The following TBPL2 variants were observed in gnomAD, a reference collection of about 807,000 sequenced individuals.
TBPL2 encodes the protein TATA box-binding protein-like 2.
Under a neutral mutation model 38.2 loss-of-function variants are expected in TBPL2, and 40 were observed. That is an observed-to-expected ratio of 1.05 (90% CI 0.81 to 1.36). The LOEUF is 1.36. Among genes scored for constraint, TBPL2 ranks in the 40% most tolerant of loss-of-function variants. The pLI is 0.00. For synonymous variants in TBPL2, 169 were observed against 171.7 expected, an observed-to-expected ratio of 0.98 and a Z score of 0.12; for missense variants, 461 against 456.7, an observed-to-expected ratio of 1.01 and a Z score of -0.09.
intron 6 of TBPL2, among the ~76,000 whole-genome samples, chr14:55,417,376 A>G (rs1297381767): frequency 6.6e-6 from 1 of 151,082 alleles, no homozygotes; most frequent in East Asian, 1.9e-4. Context: ...AATTGGCTCC[A>G]TAGTCCTATT....
At chr14:55,416,302 A>G (rs1885668999) in intron 6 of TBPL2, among the ~76,000 whole-genome samples, 1 of 152,176 alleles carries the variant, frequency 6.6e-6, no homozygotes, top group African/African-American at 2.4e-5. Flanking sequence ...TAATTTTTTA[A>G]GAAATAAGGG....
chr14:55,427,238 AG>A (rs1885840019), intron 5 of TBPL2, among the ~76,000 whole-genome samples: 1 of 143,206 alleles, frequency 7.0e-6, no homozygotes, highest in Non-Finnish European at 1.5e-5. Context: ...TAGGGAGCTC[AG>A]ATTTTTAAAA....
chr14:55,422,677 C>T (rs1489865029), intron 6 of TBPL2, among the ~76,000 whole-genome samples: 1 of 152,110 alleles, frequency 6.6e-6, no homozygotes, highest in Non-Finnish European at 1.5e-5. Flanking sequence ...TTTGGCAAAA[C>T]CCCATCTCTT....
At chr14:55,426,957 C>T (rs574609330) in intron 5 of TBPL2, among the ~76,000 whole-genome samples, 198 of 151,938 alleles carry the variant, frequency 1.3e-3, no homozygotes, top group South Asian at 5.0e-3. Flanking sequence ...ACATCATTTT[C>T]GAGCCCTGAA....
At chr14:55,430,764 A>G (rs1054166317) in intron 4 of TBPL2, among the ~76,000 whole-genome samples, 6 of 152,098 alleles carry the variant, frequency 3.9e-5, no homozygotes, top group African/African-American at 1.4e-4. Context: ...GGCTCTCTTC[A>G]CCCACTTCTC....
At chr14:55,415,853 G>A (rs900433502) in intron 6 of TBPL2, among the ~76,000 whole-genome samples, 29 of 152,100 alleles carry the variant, frequency 1.9e-4, no homozygotes, top group Admixed American at 1.9e-3. Flanking sequence ...GCGACACAGC[G>A]AGACTCTGTC....
chr14:55,428,456 C>A (rs2341538), intron 5 of TBPL2, among the ~76,000 whole-genome samples: 1 of 151,894 alleles, frequency 6.6e-6, no homozygotes, highest in Non-Finnish European at 1.5e-5. Flanking sequence ...CTGTAGATTA[C>A]TGGATCTCAA....
Position 55,436,031 on chromosome 14 carries a change from C to T in TBPL2, c.609-97G>A. The T allele has an allele frequency of 4.3e-6, 3 of 696,214 alleles. 1 individual carries two copies. In the East Asian group the frequency reaches 9.8e-5, roughly 23 times the overall value. 43.1% of individuals were successfully genotyped at this position (696,214 alleles called of 1,614,324 possible). A position where few individuals can be genotyped will look rare whatever the true frequency, so the allele number is the denominator to read the frequency against. On this transcript the variant is annotated intron_variant, in intron 2 of 6. Coordinates refer to ENST00000247219, the Ensembl canonical transcript of TBPL2. ...TCTCATTTCTTAGGTTATACCTTAG[C>T]AATTTCCTAGGGGGAGAATTATTCC... is the stretch of plus-strand genomic sequence containing the variant.
At chr14:55,429,766 C>CAAAAAAAAAAAAAAAAAAAAAAAA (rs71131266) in intron 4 of TBPL2, among the ~76,000 whole-genome samples, 1 of 52,392 alleles carries the variant, frequency 1.9e-5, no homozygotes, top group Non-Finnish European at 3.2e-5. Flanking sequence ...AACTCCGTCT[C>CAAAAAAAAAAAAAAAAAAAAAAAA]AAAAAAAAAA....
At position 55,427,311 on chromosome 14, in the gene TBPL2, TAATC is replaced by T. The variant is rs373932039; in HGVS notation, c.956+1492_956+1495del. Among the ~76,000 whole-genome samples, 64 of 151,982 alleles carry T rather than the reference TAATC, an allele frequency of 4.2e-4. 1 individual carries two copies. The highest frequency in any genetic ancestry group is 1.3e-3 in the African/African-American group (54 of 41,458). On this transcript the variant is annotated intron_variant, in intron 5 of 6. Coordinates refer to ENST00000247219, the Ensembl canonical transcript of TBPL2. ...AAAAAACTGAAGAAAAAAGAAAACATAATCAAGAGAAAAATAAACATGTCAAAAG... is the reference window on the plus strand; with the variant it reads ...AAAAAACTGAAGAAAAAAGAAAACATAAGAGAAAAATAAACATGTCAAAAG...
intron 3 of TBPL2, among the ~76,000 whole-genome samples, chr14:55,435,537 G>C (rs1013515219): frequency 6.6e-6 from 1 of 152,132 alleles, no homozygotes; most frequent in Admixed American, 6.5e-5. Context: ...GCCTCCCAAA[G>C]TGCTGGGATT....
At chr14:55,423,477 A>G (rs1885776030) in intron 6 of TBPL2, among the ~76,000 whole-genome samples, 1 of 152,260 alleles carries the variant, frequency 6.6e-6, no homozygotes, top group African/African-American at 2.4e-5. Flanking sequence ...ACAAAGAAGG[A>G]ACATTTACCT....
intron 6 of TBPL2, among the ~76,000 whole-genome samples, chr14:55,415,385 T>C (rs549356434): frequency 1.3e-5 from 2 of 152,230 alleles, no homozygotes; most frequent in Non-Finnish European, 2.9e-5. Flanking sequence ...GCTCAGCTAC[T>C]GTGGAAACTA....
At chr14:55,418,446 T>C (rs556168824) in intron 6 of TBPL2, among the ~76,000 whole-genome samples, 2 of 152,368 alleles carry the variant, frequency 1.3e-5, no homozygotes, top group South Asian at 2.1e-4. Context: ...CAGTCGTGTG[T>C]GTATAAGTCA....
intron 6 of TBPL2, among the ~76,000 whole-genome samples, chr14:55,421,136 A>T (rs1186865923): frequency 6.6e-6 from 1 of 152,060 alleles, no homozygotes; most frequent in Non-Finnish European, 1.5e-5. Context: ...CATTTAAAGA[A>T]ATCTATAATA....
At chr14:55,436,367 G>A (rs190497149) in intron 2 of TBPL2, among the ~76,000 whole-genome samples, 194 bp downstream of exon 2, 1 of 152,202 alleles carries the variant, frequency 6.6e-6, no homozygotes, top group East Asian at 1.9e-4. Context: ...CCACCTTAGA[G>A]GTCAAGAATT....
chr14:55,433,126 ATT>A (rs1304307575), intron 4 of TBPL2, among the ~76,000 whole-genome samples: 2 of 151,870 alleles, frequency 1.3e-5, no homozygotes, highest in Non-Finnish European at 2.9e-5. Flanking sequence ...ATATGTCAGT[ATT>A]TTATTATTTT....
chr14:55,430,175 C>G (rs909686898), intron 4 of TBPL2, among the ~76,000 whole-genome samples: 1 of 152,096 alleles, frequency 6.6e-6, no homozygotes, highest in Non-Finnish European at 1.5e-5. Flanking sequence ...GCAACACCTG[C>G]AGGGTGAATC....
At chr14:55,433,540 A>T (rs1885965657) in intron 4 of TBPL2, 90 bp downstream of exon 4, 2 of 1,241,842 alleles carry the variant, frequency 1.6e-6, no homozygotes, top group East Asian at 4.7e-5. Flanking sequence ...TTTTGCTTCT[A>T]CTATGTGCTT....
Sources: allele counts gnomAD v4.1 joint callset (sites outside exome capture counted in the v4.1 genomes callset), GRCh38; gene constraint gnomAD v4.1.1; transcripts MANE v1.5; gene names NCBI Gene and HGNC (gene_info 2026-07-23, HGNC 2026-07-21).